RNF128: variants seen among roughly 807,000 people sequenced by gnomAD.
RNF128 encodes the protein ring finger protein 128.
A neutral mutation model predicts 26.2 loss-of-function variants in RNF128; 13 were observed. The ratio of observed to expected loss-of-function variants is 0.50; its 90% confidence interval spans 0.32 to 0.79. The LOEUF (loss-of-function observed/expected upper bound fraction) is 0.79. RNF128 is among the 30% of genes least tolerant of loss of function. RNF128 has a pLI of 0.03. For missense variants in RNF128, 315 were observed against 349.7 expected (o/e 0.90, Z 0.79); for synonymous variants, 149 against 142.5 (o/e 1.05, Z -0.32).
At chrX:106,785,878 A>G (rs1489465008) in intron 3 of RNF128, among the ~76,000 whole-genome samples, 1 of 111,943 alleles carries the variant, frequency 8.9e-6, no homozygotes, top group Non-Finnish European at 1.9e-5. Context: ...AAATCTTACC[A>G]AAGTCATGAA....
At position 106,696,224 on chromosome X, in the gene RNF128, T is replaced by G. The variant is rs769432845; in HGVS notation, c.406+1816T>G. On this transcript the variant is annotated intron_variant, in intron 1 of 6. Coordinates refer to the RNF128 transcript ENST00000324342. ...CTGGCATTTACTATATTTCAGGCAC[T>G]GTTATAGTGTGTTTATTTAATGAAC... Among the ~76,000 whole-genome samples, 4 of 111,968 alleles carry G rather than the reference T, an allele frequency of 3.6e-5. No individual in the cohort carries two copies. In the Admixed American group the frequency reaches 3.8e-4, roughly 11 times the overall value.
At chrX:106,722,743 A>C (rs1174333033), upstream of RNF128, among the ~76,000 whole-genome samples, 1 of 111,767 alleles carries the variant, frequency 8.9e-6, no homozygotes, top group African/African-American at 3.3e-5. Context: ...ATTAATTTAT[A>C]ATGAGAAGTA....
intron 1 of RNF128, among the ~76,000 whole-genome samples, chrX:106,744,121 G>A (rs956924932): frequency 2.7e-5 from 3 of 110,464 alleles, no homozygotes; most frequent in African/African-American, 9.9e-5. Context: ...AAGGGGGGAG[G>A]GATAGCATTA....
At chrX:106,720,915 G>C (rs146959940) in intron 1 of RNF128, among the ~76,000 whole-genome samples, 62 of 111,593 alleles carry the variant, frequency 5.6e-4, no homozygotes, top group Non-Finnish European at 1.1e-3. Context: ...GATATGAAAA[G>C]ATTGTTCTTA....
At chrX:106,737,846 A>G (rs1433625682) in intron 1 of RNF128, among the ~76,000 whole-genome samples, 1 of 112,037 alleles carries the variant, frequency 8.9e-6, no homozygotes, top group Non-Finnish European at 1.9e-5. Flanking sequence ...TCATTTTGGC[A>G]AAAGGGCAGG....
intron 1 of RNF128, among the ~76,000 whole-genome samples, chrX:106,704,579 T>C (rs1929017056): frequency 9.0e-6 from 1 of 110,951 alleles, no homozygotes; most frequent in African/African-American, 3.3e-5. Context: ...CGTGTCCTCA[T>C]GATAAGACGG....
At position 106,706,111 on chromosome X, in the gene RNF128, C is replaced by A. The variant is rs750918154; in HGVS notation, c.406+11703C>A. 2.7e-5 allele frequency among the ~76,000 whole-genome samples: 3 copies of A among 111,450 alleles called. No individual in the cohort carries two copies. The South Asian group carries it at 1.1e-3, about 42-fold the overall frequency. On this transcript the variant is annotated intron_variant, in intron 1 of 6. Coordinates refer to the RNF128 transcript ENST00000324342. Reference sequence around the variant, plus strand: ...ATGATACCTCCACGACATGGGAGACCAAGGGATGAAGAGAAACCCTAGGGT... The same window carrying A: ...ATGATACCTCCACGACATGGGAGACAAAGGGATGAAGAGAAACCCTAGGGT...
At chrX:106,725,461 G>T (rs770279320), upstream of RNF128, among the ~76,000 whole-genome samples, 1 of 111,728 alleles carries the variant, frequency 9.0e-6, no homozygotes, top group South Asian at 3.7e-4. Flanking sequence ...GGGAGTAATT[G>T]ATCAGAAATT....
intron 1 of RNF128, among the ~76,000 whole-genome samples, chrX:106,752,620 T>G (rs987649757): frequency 8.9e-6 from 1 of 112,162 alleles, no homozygotes; most frequent in Non-Finnish European, 1.9e-5. Flanking sequence ...CTGTGAATAT[T>G]ATAATACCTA....
chrX:106,701,880 G>T (rs1432692508), intron 1 of RNF128, among the ~76,000 whole-genome samples: 1 of 111,566 alleles, frequency 9.0e-6, no homozygotes, highest in Admixed American at 9.5e-5. Flanking sequence ...CAACTACATT[G>T]TACCACAAGT....
intron 1 of RNF128, among the ~76,000 whole-genome samples, chrX:106,768,067 A>C (rs1346369021): frequency 8.9e-6 from 1 of 111,976 alleles, no homozygotes; most frequent in East Asian, 2.8e-4. Flanking sequence ...GATGAAGCCA[A>C]CTTGATTGTG....
At chrX:106,766,985 T>C (rs1930261699) in intron 1 of RNF128, among the ~76,000 whole-genome samples, 1 of 111,882 alleles carries the variant, frequency 8.9e-6, no homozygotes. Flanking sequence ...CCTTTCCCCA[T>C]TTCTTGTTTT....
chrX:106,771,272 C>T (rs1930364558), intron 1 of RNF128, among the ~76,000 whole-genome samples: 1 of 112,699 alleles, frequency 8.9e-6, no homozygotes, highest in Non-Finnish European at 1.9e-5. Context: ...AACCACTACT[C>T]TTCAAAGCTG....
chrX:106,708,906 T>C (rs931728810), intron 1 of RNF128, among the ~76,000 whole-genome samples: 1 of 112,002 alleles, frequency 8.9e-6, no homozygotes. Context: ...CAAAGAATAA[T>C]GTGATTTGAA....
At chrX:106,771,093 G>A (rs1360994710) in intron 1 of RNF128, among the ~76,000 whole-genome samples, 1 of 112,242 alleles carries the variant, frequency 8.9e-6, no homozygotes, top group African/African-American at 3.2e-5. Flanking sequence ...CAGCAGATGT[G>A]GCTGCCTGAT....
Position 106,727,121 on chromosome X carries a change from G to A in RNF128, c.208G>A (p.Val70Met), listed in dbSNP as rs758696918. ...GGTGTGGGAGCTGAGCGAGGAGGGC[G>A]TGTACGGCCAGGACTCGCCGCTGGA... ...RTVWELSEEGVYGQDSPLEPV... is the reference protein window; with the variant it reads ...RTVWELSEEGMYGQDSPLEPV... The change falls in exon 1 of 7, where the codon GTG (valine) becomes ATG (methionine). Residue 70 changes from valine to methionine, a missense_variant. Transcript: ENST00000255499. 12 of 1,206,958 alleles carry A rather than the reference G, an allele frequency of 9.9e-6. No homozygotes were observed. In the East Asian group the frequency reaches 3.6e-4, roughly 36 times the overall value.
intron 2 of RNF128, among the ~76,000 whole-genome samples, chrX:106,783,052 C>T (rs767346387): frequency 8.9e-6 from 1 of 111,869 alleles, no homozygotes; most frequent in Admixed American, 9.5e-5. Flanking sequence ...AGTGAAAGTG[C>T]CTTGATTATC....
intron 1 of RNF128, among the ~76,000 whole-genome samples, chrX:106,765,895 T>G (rs1371080772): frequency 1.2e-5 from 1 of 80,136 alleles, no homozygotes; most frequent in Non-Finnish European, 2.3e-5. Context: ...CAGGCTCCAG[T>G]GTGTGATGTT....
At chrX:106,751,932 A>C (rs1929897623) in intron 1 of RNF128, among the ~76,000 whole-genome samples, 1 of 110,555 alleles carries the variant, frequency 9.0e-6, no homozygotes, top group South Asian at 4.0e-4. Flanking sequence ...GCACATTCCC[A>C]GCTGTAGTGG....
Sources: gnomAD v4.1 joint callset for allele counts (sites outside exome capture counted in the v4.1 genomes callset) on GRCh38, gnomAD v4.1.1 for gene constraint, MANE v1.5 for transcripts, NCBI Gene and HGNC (gene_info 2026-07-23, HGNC 2026-07-21) for gene names.